SPANXN1: variants seen among roughly 807,000 people sequenced by gnomAD.
SPANXN1 encodes the protein SPANX family member N1, also known as sperm protein associated with the nucleus on the X chromosome N1.
Under a neutral mutation model 2.0 loss-of-function variants are expected in SPANXN1, and 1 was observed. The ratio of observed to expected loss-of-function variants is 0.50; its 90% CI spans 0.18 to 2.36. The LOEUF (loss-of-function observed/expected upper bound fraction) is 2.36, where lower values mean the gene tolerates loss of function less well. Among genes scored for constraint, SPANXN1 ranks in the 30% most tolerant of loss-of-function variants. SPANXN1 has a pLI of 0.26. For missense variants in SPANXN1, 55 were observed against 51.8 expected, an observed-to-expected ratio of 1.06 and a Z score of -0.19; for synonymous variants, 27 against 21.3, an observed-to-expected ratio of 1.27 and a Z score of -0.74.
intron 1 of SPANXN1, among the ~76,000 whole-genome samples, chrX:145,253,026 G>T (rs192487283): frequency 6.6e-4 from 74 of 111,362 alleles, no homozygotes; most frequent in African/African-American, 2.1e-3. Context: ...AATTACCCTG[G>T]CTTCCGAGGT....
At position 145,255,666 on chromosome X, in the gene SPANXN1, A is replaced by G; in HGVS notation, c.76-5A>G. 8.3e-7 allele frequency: 1 copy of G among 1,211,682 alleles called. No homozygotes were observed. The highest frequency in any genetic ancestry group is 1.1e-6 in the Non-Finnish European group (1 of 895,491). On this transcript the variant is annotated splice_region_variant and splice_polypyrimidine_tract_variant and intron_variant, in intron 1 of 1. Coordinates refer to ENST00000370493, the MANE Select transcript of SPANXN1 (RefSeq NM_001009614.3). The stretch of plus-strand genomic sequence containing the variant: ...CTTTCTGGCCTCTCCCTGTTTTCTT[A>G]ACAGATGCAGGAGACACCAAACAGG...
intron 1 of SPANXN1, among the ~76,000 whole-genome samples, chrX:145,252,087 G>A (rs1261270731): frequency 8.9e-6 from 1 of 111,734 alleles, no homozygotes; most frequent in Non-Finnish European, 1.9e-5. Flanking sequence ...TTGACATATT[G>A]GAGGAGGGCA....
intron 1 of SPANXN1, among the ~76,000 whole-genome samples, chrX:145,255,077 G>A (rs1215656430): frequency 1.8e-5 from 2 of 111,741 alleles, no homozygotes; most frequent in Non-Finnish European, 3.8e-5. Context: ...AAGACACACA[G>A]AGATGGGGCA....
rs782729567 is a variant in SPANXN1, at chrX:145,255,667, A to T, written c.76-4A>T. The T allele has an allele frequency of 1.3e-5, 16 of 1,210,024 alleles. No homozygotes were observed. The South Asian group carries it at 1.9e-4, about 15-fold the overall frequency. On this transcript the variant is annotated splice_region_variant and splice_polypyrimidine_tract_variant and intron_variant, in intron 1 of 1. Transcript: ENST00000370493. ...TTTCTGGCCTCTCCCTGTTTTCTTA[A>T]CAGATGCAGGAGACACCAAACAGGG...
Position 145,253,218 on chromosome X carries a change from G to A in SPANXN1, c.76-2453G>A, listed in dbSNP as rs116147137. 8.5e-3 allele frequency among the ~76,000 whole-genome samples: 942 copies of A among 111,019 alleles called. 14 individuals are homozygous for A. Among genetic ancestry groups the A allele is most frequent in the African/African-American group, 0.03 (909 of 30,484 alleles). ...AGGCTTTTTCCCAGTGTCCGTGTTG[G>A]ACGCACTTATAACAGGCTCCTGGAG... On this transcript the variant is annotated intron_variant, in intron 1 of 1. Coordinates refer to ENST00000370493, the MANE Select transcript of SPANXN1 (RefSeq NM_001009614.3).
At chrX:145,251,553 C>A (rs2070785822) in intron 1 of SPANXN1, among the ~76,000 whole-genome samples, 1 of 111,597 alleles carries the variant, frequency 9.0e-6, no homozygotes, top group Non-Finnish European at 1.9e-5. Flanking sequence ...TGGGGCGTCG[C>A]CGTATGTTTG....
chrX:145,255,312 T>A (rs1463698880), intron 1 of SPANXN1, among the ~76,000 whole-genome samples: 3 of 111,684 alleles, frequency 2.7e-5, no homozygotes, highest in African/African-American at 9.8e-5. Flanking sequence ...CTTAGAACTT[T>A]GCCAAGCAAG....
At chrX:145,251,518 G>C (rs1173838458) in intron 1 of SPANXN1, among the ~76,000 whole-genome samples, 4 of 111,495 alleles carry the variant, frequency 3.6e-5, no homozygotes, top group Non-Finnish European at 7.5e-5. Context: ...GAGTCCAGTT[G>C]TTTTGAGAGA....
chrX:145,254,948 G>T (rs1439638011), intron 1 of SPANXN1, among the ~76,000 whole-genome samples: 2 of 111,928 alleles, frequency 1.8e-5, no homozygotes, highest in Non-Finnish European at 3.8e-5. Context: ...GGTCTAGTTT[G>T]TGCTGCTTTT....
chrX:145,254,513 G>A (rs2046719274), intron 1 of SPANXN1, among the ~76,000 whole-genome samples: 2 of 112,050 alleles, frequency 1.8e-5, no homozygotes, highest in Non-Finnish European at 3.8e-5. Context: ...ACTTGATTCC[G>A]CCTGGAAGAA....
rs150004002 is a variant in SPANXN1 at position 145,255,369 on chromosome X, A to C, written c.76-302A>C. Among the ~76,000 whole-genome samples, 892 of 111,601 alleles carry C rather than the reference A, an allele frequency of 8.0e-3. 14 individuals are homozygous for C. Among genetic ancestry groups the C allele is most frequent in the African/African-American group, 0.028 (860 of 30,632 alleles). Reference sequence around the variant, plus strand: ...AGTTGGGCCTTTGTCCGCCTTGTGGACAGGTGGTTAGGCAGGATGTTTCTC... The same window carrying C: ...AGTTGGGCCTTTGTCCGCCTTGTGGCCAGGTGGTTAGGCAGGATGTTTCTC... On this transcript the variant is annotated intron_variant, in intron 1 of 1. Coordinates refer to ENST00000370493, the MANE Select transcript of SPANXN1 (RefSeq NM_001009614.3).
intron 1 of SPANXN1, among the ~76,000 whole-genome samples, chrX:145,248,406 G>A (rs1362899969): frequency 1.8e-5 from 2 of 111,230 alleles, no homozygotes; most frequent in Non-Finnish European, 3.8e-5. Context: ...GAAGATTAAC[G>A]GCCCTAAGAA....
Position 145,254,800 on chromosome X carries a change from A to G in SPANXN1, c.76-871A>G, listed in dbSNP as rs1423087431. Among the ~76,000 whole-genome samples the G allele has an allele frequency of 2.7e-5, 3 of 111,835 alleles. No homozygotes were observed. In the East Asian group the frequency reaches 8.5e-4, roughly 32 times the overall value. ...GGGGTGATCCTTGTTGCAGCAGCGCAGAAAGGGGAAGGAAGGGAAAAGAAA... is the reference window on the plus strand; with the variant it reads ...GGGGTGATCCTTGTTGCAGCAGCGCGGAAAGGGGAAGGAAGGGAAAAGAAA... On this transcript the variant is annotated intron_variant, in intron 1 of 1. Transcript: ENST00000370493.
rs1187806543 is a variant in SPANXN1 at position 145,248,372 on chromosome X, G to A, written c.75+711G>A. On this transcript the variant is annotated intron_variant, in intron 1 of 1. Coordinates refer to ENST00000370493, the MANE Select transcript of SPANXN1 (RefSeq NM_001009614.3). ...CAGGATATGAAGGTGAGTATACATC[G>A]GCCAAATGTACTATCAGGAGGAGGA... is the stretch of plus-strand genomic sequence containing the variant. 4.3e-4 allele frequency among the ~76,000 whole-genome samples: 48 copies of A among 111,070 alleles called. 1 individual carries two copies. The highest frequency in any genetic ancestry group is 1.4e-3 in the African/African-American group (44 of 30,515).
chrX:145,253,290 T>C (rs1170727243), intron 1 of SPANXN1, among the ~76,000 whole-genome samples: 2 of 111,131 alleles, frequency 1.8e-5, no homozygotes, highest in Admixed American at 9.6e-5. Context: ...GGGAACCCTG[T>C]TGAGTGGCAG....
rs5966485 is a variant in SPANXN1 at position 145,251,801 on chromosome X, C to T, written c.76-3870C>T. The stretch of plus-strand genomic sequence containing the variant: ...GTGAGGCCATGTAGAGTGGCTTGGC[C>T]AGCAAGTCAAAGTTGGAAATTCATG... On this transcript the variant is annotated intron_variant, in intron 1 of 1. Coordinates refer to ENST00000370493, the MANE Select transcript of SPANXN1 (RefSeq NM_001009614.3). 9.3e-3 allele frequency among the ~76,000 whole-genome samples: 1,030 copies of T among 110,848 alleles called. 12 individuals carry two copies. Among genetic ancestry groups the T allele is most frequent in the African/African-American group, 0.032 (976 of 30,430 alleles).
At chrX:145,254,019 T>C (rs2070796934) in intron 1 of SPANXN1, among the ~76,000 whole-genome samples, 1 of 107,429 alleles carries the variant, frequency 9.3e-6, no homozygotes, top group Non-Finnish European at 1.9e-5. Flanking sequence ...CGAAAGGGGG[T>C]TGGGTGTGAG....
Position 145,256,100 on chromosome X carries a change from G to T in SPANXN1, c.*286G>T. 1 of 468,608 alleles carries T rather than the reference G, an allele frequency of 2.1e-6. No individual in the cohort carries two copies. The highest frequency in any genetic ancestry group is 3.8e-5 in the South Asian group (1 of 26,563). The allele number at this position is 468,608 out of a possible 1,213,427, so 38.6% of individuals were successfully genotyped here. A position where few individuals can be genotyped will look rare whatever the true frequency, so the allele number is the denominator to read the frequency against. ...ATTACCTGAAGGATCTTCACAGGAGGATGAAGACCTAGAGAAAAAGCGATC... is the reference window on the plus strand; with the variant it reads ...ATTACCTGAAGGATCTTCACAGGAGTATGAAGACCTAGAGAAAAAGCGATC... On this transcript the variant is annotated 3_prime_UTR_variant, in exon 2 of 2. Transcript: ENST00000370493.
rs140643576 is a variant in SPANXN1, at chrX:145,250,413, G to A, written c.75+2752G>A. On this transcript the variant is annotated intron_variant, in intron 1 of 1. Transcript: ENST00000370493. The stretch of plus-strand genomic sequence containing the variant: ...TCAGGCCTCGTGTGTTGGAAAGGAG[G>A]TGGTTTGATAGCTTCCTGAGGGGAA... Among the ~76,000 whole-genome samples the A allele has an allele frequency of 6.3e-5, 7 of 111,372 alleles. No homozygotes were observed. The East Asian group carries it at 8.5e-4, about 14-fold the overall frequency.
Sources: allele counts gnomAD v4.1 joint callset (sites outside exome capture counted in the v4.1 genomes callset), GRCh38; gene constraint gnomAD v4.1.1; transcripts MANE v1.5; gene names NCBI Gene and HGNC (gene_info 2026-07-23, HGNC 2026-07-21).